GNA14: variants seen among roughly 807,000 people sequenced by gnomAD.
The protein encoded by GNA14 is G protein subunit alpha 14.
In GNA14, 50 loss-of-function variants were observed where a neutral mutation model predicts 42.0. The observed-to-expected ratio is 1.19, with a 90% CI of 0.95 to 1.51. GNA14 has a LOEUF of 1.51. GNA14 is among the 40% of genes most tolerant of loss of function. The pLI, the probability that GNA14 is intolerant of heterozygous loss-of-function variation, is 0.00. For synonymous variants in GNA14, 173 were observed against 163.1 expected (o/e 1.06, Z -0.46); for missense variants, 473 against 446.2 (o/e 1.06, Z -0.54).
chr9:77,558,356 T>C (rs986694220), intron 1 of GNA14, among the ~76,000 whole-genome samples: 1 of 152,172 alleles, frequency 6.6e-6, no homozygotes, highest in Non-Finnish European at 1.5e-5. Flanking sequence ...TTACTAAGTT[T>C]AGATGGCAGA....
At chr9:77,520,141 A>C (rs1837331351) in intron 2 of GNA14, among the ~76,000 whole-genome samples, 1 of 152,202 alleles carries the variant, frequency 6.6e-6, no homozygotes, top group African/African-American at 2.4e-5. Context: ...GCTTTCTAGA[A>C]TAGTTTGCCT....
At chr9:77,532,886 C>T (rs1435092270) in intron 1 of GNA14, among the ~76,000 whole-genome samples, 1 of 152,026 alleles carries the variant, frequency 6.6e-6, no homozygotes, top group African/African-American at 2.4e-5. Flanking sequence ...TTTTGGTTTA[C>T]AAGGAGTGGG....
At chr9:77,517,709 G>A (rs974389162) in intron 2 of GNA14, among the ~76,000 whole-genome samples, 1 of 140,848 alleles carries the variant, frequency 7.1e-6, no homozygotes, top group African/African-American at 2.7e-5. Flanking sequence ...CCAGGCTCAG[G>A]TGATTCTCCC....
At chr9:77,532,678 C>G (rs932980081) in intron 1 of GNA14, among the ~76,000 whole-genome samples, 1 of 152,158 alleles carries the variant, frequency 6.6e-6, no homozygotes, top group African/African-American at 2.4e-5. Flanking sequence ...GACTTAGATC[C>G]TACATCCTAC....
chr9:77,500,553 A>G (rs1836949335), intron 2 of GNA14, among the ~76,000 whole-genome samples: 1 of 152,196 alleles, frequency 6.6e-6, no homozygotes, highest in Non-Finnish European at 1.5e-5. Context: ...CATTTCTGCC[A>G]CCACAGAATC....
chr9:77,571,013 G>T (rs961572), intron 1 of GNA14, among the ~76,000 whole-genome samples: 104,188 of 150,988 alleles, frequency 0.69, 36,381 homozygotes, highest in East Asian at 0.86. Context: ...TAATGCTCAT[G>T]TACTCTATGA....
intron 1 of GNA14, among the ~76,000 whole-genome samples, chr9:77,560,757 G>A (rs1449866816): frequency 6.6e-6 from 1 of 152,116 alleles, no homozygotes. Flanking sequence ...CCAAAGCACA[G>A]AACTTTGCAG....
intron 2 of GNA14, among the ~76,000 whole-genome samples, chr9:77,488,784 T>TAAAAAAAAAAAAAAAAAAAAAAACAAAA (rs1836703557): frequency 1.9e-5 from 1 of 53,684 alleles, no homozygotes; most frequent in African/African-American, 8.6e-5. Flanking sequence ...CACACCTAAT[T>TAAAAAAAAAAAAAAAAAAAAAAACAAAA]AAAAAAAAAA....
intron 1 of GNA14, among the ~76,000 whole-genome samples, chr9:77,618,702 C>A (rs1174973504): frequency 8.4e-6 from 1 of 118,666 alleles, no homozygotes. Flanking sequence ...GGCGGGATCT[C>A]GGCTCACTGC....
chr9:77,534,906 G>A (rs1263965733), intron 1 of GNA14, among the ~76,000 whole-genome samples: 1 of 152,168 alleles, frequency 6.6e-6, no homozygotes, highest in Non-Finnish European at 1.5e-5. Flanking sequence ...TGGATTTCCC[G>A]CTCAGAGTGG....
At chr9:77,609,573 A>G (rs1187119537) in intron 1 of GNA14, among the ~76,000 whole-genome samples, 3 of 152,304 alleles carry the variant, frequency 2.0e-5, no homozygotes, top group African/African-American at 4.8e-5. Flanking sequence ...AATACTCCTA[A>G]CAAAATACCA....
chr9:77,476,531 G>A (rs1836426618), intron 2 of GNA14, among the ~76,000 whole-genome samples: 2 of 152,190 alleles, frequency 1.3e-5, no homozygotes, highest in African/African-American at 4.8e-5. Context: ...TATAATTGAA[G>A]ATTATCTGTG....
intron 2 of GNA14, among the ~76,000 whole-genome samples, chr9:77,472,444 G>C (rs1265353736): frequency 6.6e-6 from 1 of 151,992 alleles, no homozygotes; most frequent in African/African-American, 2.4e-5. Context: ...GCAATAAAAA[G>C]AAATAAAAGG....
chr9:77,580,863 G>C (rs574054193), intron 1 of GNA14, among the ~76,000 whole-genome samples: 1 of 152,150 alleles, frequency 6.6e-6, no homozygotes, highest in African/African-American at 2.4e-5. Flanking sequence ...ACATGTGCAT[G>C]CAAGTAATAC....
chr9:77,614,574 G>A (rs190601953), intron 1 of GNA14, among the ~76,000 whole-genome samples: 81 of 152,178 alleles, frequency 5.3e-4, no homozygotes, highest in African/African-American at 1.7e-3. Context: ...TGGATTCTTC[G>A]TTTTCACAAT....
chr9:77,639,611 A>T (rs534297635), intron 1 of GNA14, among the ~76,000 whole-genome samples: 1 of 152,216 alleles, frequency 6.6e-6, no homozygotes. Flanking sequence ...TGCTGTGAAT[A>T]TAAGTGTCTA....
chr9:77,572,202 TA>T (rs1305644251), intron 1 of GNA14, among the ~76,000 whole-genome samples: 5 of 152,100 alleles, frequency 3.3e-5, no homozygotes, highest in African/African-American at 1.2e-4. Context: ...TATAAGGAAC[TA>T]AAAGAAGGGC....
At chr9:77,469,528 G>A (rs1836292781) in intron 2 of GNA14, among the ~76,000 whole-genome samples, 2 of 113,582 alleles carry the variant, frequency 1.8e-5, no homozygotes, top group Middle Eastern at 4.1e-3. Context: ...AGAAAAGACT[G>A]ACAACCAAAA....
At position 77,502,170 on chromosome 9, in the gene GNA14, A is replaced by G. The variant is rs11145445; in HGVS notation, c.309+26899T>C. ...CTATATGTCTTATTTCTTTGTTGAGACTATTTTTTCCTGTTTCTAACCTGT... is the reference window on the plus strand; with the variant it reads ...CTATATGTCTTATTTCTTTGTTGAGGCTATTTTTTCCTGTTTCTAACCTGT... On this transcript the variant is annotated intron_variant, in intron 2 of 6. Transcript: ENST00000341700. Among the ~76,000 whole-genome samples, 205 of 152,066 alleles carry G rather than the reference A, an allele frequency of 1.3e-3. 7 individuals carry two copies. In the East Asian group the frequency reaches 0.037, roughly 28 times the overall value.
Sources: gnomAD v4.1 joint callset for allele counts (sites outside exome capture counted in the v4.1 genomes callset) on GRCh38, gnomAD v4.1.1 for gene constraint, MANE v1.5 for transcripts, NCBI Gene and HGNC (gene_info 2026-07-23, HGNC 2026-07-21) for gene names.